Variants in RPH3A observed in about 807,000 individuals in gnomAD.
RPH3A encodes the protein rabphilin 3A.
Under a neutral mutation model 102.2 loss-of-function variants are expected in RPH3A, and 48 were observed. That is an observed-to-expected ratio of 0.47 (90% CI 0.37 to 0.60). RPH3A has a LOEUF of 0.60. Ranked by LOEUF, RPH3A falls within the 20% of genes least tolerant of loss-of-function variation. The pLI, the probability that RPH3A is intolerant of heterozygous loss-of-function variation, is 0.00. For synonymous variants in RPH3A, 310 were observed against 324.3 expected (o/e 0.96, Z 0.47); for missense variants, 781 against 910.1 (o/e 0.86, Z 1.83).
intron 1 of RPH3A, among the ~76,000 whole-genome samples, chr12:112,721,961 G>C (rs1279850253): frequency 6.6e-6 from 1 of 152,220 alleles, no homozygotes; most frequent in Non-Finnish European, 1.5e-5. Flanking sequence ...AAAAGTAGGA[G>C]TGAATCTCCC....
At chr12:112,819,209 G>A (rs1055091452) in intron 2 of RPH3A, among the ~76,000 whole-genome samples, 8 of 151,980 alleles carry the variant, frequency 5.3e-5, no homozygotes, top group African/African-American at 1.2e-4. Context: ...GGGTTCAAGC[G>A]ATTCTTGTGC....
At chr12:112,802,704 C>T (rs116768835) in intron 2 of RPH3A, among the ~76,000 whole-genome samples, 61 of 152,144 alleles carry the variant, frequency 4.0e-4, no homozygotes, top group African/African-American at 1.4e-3. Flanking sequence ...TAAATGGCTA[C>T]TTCCCACTCT....
chr12:112,895,994 A>T, intron 21 of RPH3A, 121 bp downstream of exon 21: 1 of 674,992 alleles, frequency 1.5e-6, no homozygotes, highest in Non-Finnish European at 2.6e-6. Flanking sequence ...CATTGTTCAA[A>T]TGCTAAATTG....
intron 1 of RPH3A, among the ~76,000 whole-genome samples, chr12:112,591,090 C>T (rs187416749): frequency 2.1e-4 from 31 of 149,420 alleles, no homozygotes; most frequent in Non-Finnish European, 3.7e-4. Flanking sequence ...GTAGCTGGTA[C>T]CACAGGTGTA....
chr12:112,881,927 A>G, intron 15 of RPH3A, 81 bp downstream of exon 15: 1 of 1,122,762 alleles, frequency 8.9e-7, no homozygotes, highest in Non-Finnish European at 1.3e-6. Flanking sequence ...CAGAGCCCAA[A>G]ATAGCCTTAT....
intron 1 of RPH3A, among the ~76,000 whole-genome samples, chr12:112,678,303 A>AAGAAAGAAAGAG (rs1555283199): frequency 4.0e-5 from 2 of 50,138 alleles, no homozygotes; most frequent in Admixed American, 2.0e-4. Context: ...GAAAGAAAGA[A>AAGAAAGAAAGAG]AGAGAGAGAG....
intron 5 of RPH3A, among the ~76,000 whole-genome samples, chr12:112,848,955 G>A (rs940468626): frequency 1.3e-5 from 2 of 152,076 alleles, no homozygotes; most frequent in Non-Finnish European, 2.9e-5. Context: ...TCCTAGACCC[G>A]AATATCAAAC....
intron 1 of RPH3A, among the ~76,000 whole-genome samples, chr12:112,694,654 A>G (rs202079382): frequency 5.8e-5 from 4 of 68,768 alleles, no homozygotes; most frequent in East Asian, 8.4e-4. Flanking sequence ...GCACACGCAC[A>G]CACACACACA....
At chr12:112,637,105 A>G (rs1396929704) in intron 1 of RPH3A, among the ~76,000 whole-genome samples, 1 of 152,164 alleles carries the variant, frequency 6.6e-6, no homozygotes, top group Non-Finnish European at 1.5e-5. Flanking sequence ...TTAGCATAAT[A>G]TGCAGAGTAT....
chr12:112,883,455 G>A (rs2136250534), intron 16 of RPH3A, 53 bp downstream of exon 16: 7 of 1,331,270 alleles, frequency 5.3e-6, no homozygotes, highest in Non-Finnish European at 7.5e-6. Flanking sequence ...CTCGGGGTGG[G>A]TGGAACTGAG....
In RPH3A at chr12:112,706,600, C is replaced by A. The variant is rs182363301; in HGVS notation, c.-139-85543C>A. Among the ~76,000 whole-genome samples, 703 of 152,222 alleles carry A rather than the reference C, an allele frequency of 4.6e-3. 4 individuals are homozygous for A. Among genetic ancestry groups the A allele is most frequent in the African/African-American group, 0.016 (658 of 41,520 alleles). On this transcript the variant is annotated intron_variant, in intron 1 of 21. Coordinates refer to the RPH3A transcript ENST00000543106. ...TTTAGGAAGTGGTTTTTACACAGAG[C>A]CTTGAATAACGCATAGAGGTTTAGC...
intron 1 of RPH3A, among the ~76,000 whole-genome samples, chr12:112,675,554 C>T (rs531569489): frequency 6.6e-6 from 1 of 152,270 alleles, no homozygotes; most frequent in East Asian, 1.9e-4. Context: ...GAAGGCAAAG[C>T]CTGGGTTTAA....
At chr12:112,688,895 G>A (rs1304817294) in intron 1 of RPH3A, among the ~76,000 whole-genome samples, 2 of 152,158 alleles carry the variant, frequency 1.3e-5, no homozygotes, top group Non-Finnish European at 2.9e-5. Flanking sequence ...ATAAGTGGAG[G>A]AGCTGAGTCC....
intron 1 of RPH3A, among the ~76,000 whole-genome samples, chr12:112,660,843 T>C (rs992656617): frequency 6.6e-6 from 1 of 152,194 alleles, no homozygotes; most frequent in Admixed American, 6.5e-5. Flanking sequence ...TTGCTCTTAA[T>C]TAACCCTTAG....
intron 1 of RPH3A, among the ~76,000 whole-genome samples, chr12:112,611,829 GAA>G (rs201427425): frequency 7.0e-6 from 1 of 142,050 alleles, no homozygotes; most frequent in Non-Finnish European, 1.6e-5. Flanking sequence ...TAGCCAGCAA[GAA>G]AAAAAAAAAG....
chr12:112,590,277 T>A (rs796531032), intron 1 of RPH3A, among the ~76,000 whole-genome samples: 8 of 152,146 alleles, frequency 5.3e-5, no homozygotes, highest in African/African-American at 1.9e-4. Flanking sequence ...GTGGCACAGC[T>A]GGAGTGGCAT....
intron 5 of RPH3A, among the ~76,000 whole-genome samples, chr12:112,856,725 C>T (rs1282813439): frequency 3.3e-5 from 5 of 152,154 alleles, no homozygotes; most frequent in African/African-American, 1.2e-4. Flanking sequence ...AATATGAGTA[C>T]AGGGATATAT....
chr12:112,775,803 C>T (rs2040961790), intron 1 of RPH3A, among the ~76,000 whole-genome samples: 1 of 152,146 alleles, frequency 6.6e-6, no homozygotes, highest in Non-Finnish European at 1.5e-5. Flanking sequence ...GGGGGAAATC[C>T]AGCTATAGCT....
At chr12:112,593,730 T>C (rs1334934683) in intron 1 of RPH3A, among the ~76,000 whole-genome samples, 3 of 152,178 alleles carry the variant, frequency 2.0e-5, no homozygotes, top group Non-Finnish European at 2.9e-5. Flanking sequence ...CATCTAAAGA[T>C]AAAATGAGTT....
Sources: allele counts gnomAD v4.1 joint callset (sites outside exome capture counted in the v4.1 genomes callset), GRCh38; gene constraint gnomAD v4.1.1; transcripts MANE v1.5; gene names NCBI Gene and HGNC (gene_info 2026-07-23, HGNC 2026-07-21).